The following PKD1L1 variants were observed in gnomAD, a reference collection of about 807,000 sequenced individuals.
The protein encoded by PKD1L1 is polycystin-1-like protein 1.
In PKD1L1, 236 loss-of-function variants were observed where a neutral mutation model predicts 323.4. The observed-to-expected ratio is 0.73, with a 90% CI of 0.66 to 0.81. The LOEUF (loss-of-function observed/expected upper bound fraction) is 0.81. PKD1L1 is among the 40% of genes least tolerant of loss of function. The probability of loss-of-function intolerance (pLI) is 0.00; values close to 1 mark genes in which losing one functional copy is unlikely to be tolerated. For missense variants in PKD1L1, 3,320 were observed against 3,508.0 expected, an observed-to-expected ratio of 0.95 and a Z score of 1.35; for synonymous variants, 1,344 against 1,335.0, an observed-to-expected ratio of 1.01 and a Z score of -0.15.
chr7:47,848,748 T>G (rs1275841849), intron 31 of PKD1L1, among the ~76,000 whole-genome samples: 1 of 152,136 alleles, frequency 6.6e-6, no homozygotes, highest in Non-Finnish European at 1.5e-5. Context: ...AAGGTTGTGG[T>G]GAGCCAAGAT....
At chr7:47,828,759 G>C (rs1219935241) in intron 44 of PKD1L1, among the ~76,000 whole-genome samples, 2 of 152,222 alleles carry the variant, frequency 1.3e-5, no homozygotes, top group Non-Finnish European at 2.9e-5. Context: ...CTCAGACATG[G>C]AGTTTATTAG....
Position 47,774,886 on chromosome 7 carries a change from G to A in PKD1L1, c.*257C>T, listed in dbSNP as rs1786533503. ...AGGGCAACTGGCAAATTAACCATTTGGGAGAAGGCTGGAGTTAGAATCTTG... is the reference window on the plus strand; with the variant it reads ...AGGGCAACTGGCAAATTAACCATTTAGGAGAAGGCTGGAGTTAGAATCTTG... On this transcript the variant is annotated 3_prime_UTR_variant, in exon 57 of 57. Transcript: ENST00000289672. The A allele has an allele frequency of 1.5e-5, 6 of 412,716 alleles. No individual in the cohort carries two copies. Among genetic ancestry groups the A allele is most frequent in the Non-Finnish European group, 1.3e-5 (3 of 230,826 alleles). 25.6% of individuals were successfully genotyped at this position (412,716 alleles called of 1,614,324 possible).
At chr7:47,846,462 G>C (rs937967273) in intron 32 of PKD1L1, among the ~76,000 whole-genome samples, 4 of 152,186 alleles carry the variant, frequency 2.6e-5, no homozygotes, top group South Asian at 2.1e-4. Context: ...GGCAACATGG[G>C]GGCATGGTGA....
At chr7:47,937,259 T>TGGGGGGGGGGGGGGGGGGGGGGGGGG (rs10610147) in intron 3 of PKD1L1, among the ~76,000 whole-genome samples, 1 of 73,088 alleles carries the variant, frequency 1.4e-5, no homozygotes, top group Non-Finnish European at 2.6e-5. Flanking sequence ...GGGGTGGGGG[T>TGGGGGGGGGGGGGGGGGGGGGGGGGG]GGGGGGGGGG....
chr7:47,879,405 A>C (rs556360045), intron 21 of PKD1L1, among the ~76,000 whole-genome samples: 1 of 152,152 alleles, frequency 6.6e-6, no homozygotes, highest in East Asian at 1.9e-4. Context: ...AGGCAGGTGG[A>C]TCGCTCACTT....
At chr7:47,805,329 A>G (rs984897694) in intron 52 of PKD1L1, among the ~76,000 whole-genome samples, 6 of 152,240 alleles carry the variant, frequency 3.9e-5, no homozygotes, top group Non-Finnish European at 8.8e-5. Flanking sequence ...CCATCATTAG[A>G]AAGTCATTTG....
rs935805942 is a variant in PKD1L1 at position 47,929,336 on chromosome 7, A to G, written c.928T>C (p.Phe310Leu). The G allele has an allele frequency of 6.2e-7, 1 of 1,614,148 alleles. No individual in the cohort carries two copies. Among genetic ancestry groups the G allele is most frequent in the African/African-American group, 1.3e-5 (1 of 75,040 alleles). ...TCTCCAGAAGCCATATGAACACGGA[A>G]TCCCAGATTTGGAGGTGCCCGAGCT... ...VEARAPPNLGFRVHMASGEAL... is the reference protein window; with the variant it reads ...VEARAPPNLGLRVHMASGEAL... The change falls in exon 7 of 57, where the codon TTC becomes CTC. Residue 310 changes from phenylalanine (F) to leucine (L), a missense_variant. Transcript: ENST00000289672.
intron 46 of PKD1L1, among the ~76,000 whole-genome samples, chr7:47,818,819 TA>T (rs1198834942): frequency 6.6e-6 from 1 of 152,212 alleles, no homozygotes; most frequent in Non-Finnish European, 1.5e-5. Flanking sequence ...TTTGTTTTAT[TA>T]TTTTTTTTTG....
At chr7:47,790,264 C>T (rs757065872) in intron 56 of PKD1L1, among the ~76,000 whole-genome samples, 1 of 151,842 alleles carries the variant, frequency 6.6e-6, no homozygotes, top group African/African-American at 2.4e-5. Context: ...CTATCATTTG[C>T]CCAATTTTCA....
chr7:47,912,440 T>G (rs1787340436), intron 8 of PKD1L1, among the ~76,000 whole-genome samples: 1 of 152,070 alleles, frequency 6.6e-6, no homozygotes, highest in Non-Finnish European at 1.5e-5. Flanking sequence ...ATTGAAAAGG[T>G]ACACCATGTG....
chr7:47,949,501 G>T (rs1193654667), upstream of PKD1L1, among the ~76,000 whole-genome samples: 3 of 151,858 alleles, frequency 2.0e-5, no homozygotes, highest in Non-Finnish European at 1.5e-5. Flanking sequence ...CTGTCTTACG[G>T]CAGAACCTAG....
rs537550788 is a variant in PKD1L1, at chr7:47,919,004, G to A, written c.1061-3405C>T. On this transcript the variant is annotated intron_variant, in intron 7 of 56. Coordinates refer to ENST00000289672, the MANE Select transcript of PKD1L1 (RefSeq NM_138295.5). ...CCAAACACAAATGCAGCAGAAGAAA[G>A]GAAATAACCAAGATCAGAGCAGAAC... Among the ~76,000 whole-genome samples, 4 of 151,470 alleles carry A rather than the reference G, an allele frequency of 2.6e-5. No homozygotes were observed. The East Asian group carries it at 7.7e-4, about 29-fold the overall frequency.
rs757907384 is a variant in PKD1L1 at position 47,846,964 on chromosome 7, G to A, written c.5068C>T (p.Arg1690Ter). Residue 1690 changes from arginine (R) to a stop codon, truncating the protein, a stop_gained, in exon 32 of 57, where the codon CGA becomes TGA. Transcript: ENST00000289672. LOFTEE classifies it high-confidence loss of function. ...TCTCTCTTGTCCCAAAACAGGCATC[G>A]GATCCACTGGAAATGTACTGTATAG... ...VNYTVHFQWI[R>*]CLFWDKREWK... is the part of the protein sequence containing the mutation. 2.5e-6 allele frequency: 4 copies of A among 1,613,798 alleles called. No individual in the cohort carries two copies. Among genetic ancestry groups the A allele is most frequent in the African/African-American group, 1.3e-5 (1 of 74,900 alleles).
intron 28 of PKD1L1, among the ~76,000 whole-genome samples, chr7:47,857,071 C>T (rs554679336): frequency 1.3e-5 from 2 of 152,214 alleles, no homozygotes; most frequent in African/African-American, 4.8e-5. Context: ...CACTGTGGTC[C>T]CCTGTTCCTC....
chr7:47,876,961 G>C (rs1786418318), intron 22 of PKD1L1, among the ~76,000 whole-genome samples: 1 of 152,186 alleles, frequency 6.6e-6, no homozygotes, highest in South Asian at 2.1e-4. Flanking sequence ...TGTATTTTTA[G>C]TAGAGATGGG....
Position 47,858,688 on chromosome 7 carries a change from G to T in PKD1L1, c.4347C>A (p.Ile1449=), listed in dbSNP as rs1195555788. Residue 1449 remains isoleucine (I), a synonymous_variant, in exon 27 of 57, where the codon ATC becomes ATA. Coordinates refer to ENST00000289672, the MANE Select transcript of PKD1L1 (RefSeq NM_138295.5). ...VYRHEEGITV[I]SDLLLGCLSL... is the part of the protein sequence containing the mutation. ...TGTGACTTACCAACAATAAATCTGAGATGACTGTAATTCCTTCTTCATGTC... is the reference window on the plus strand; with the variant it reads ...TGTGACTTACCAACAATAAATCTGATATGACTGTAATTCCTTCTTCATGTC... 6.2e-7 allele frequency: 1 copy of T among 1,612,408 alleles called. No homozygotes were observed. The highest frequency in any genetic ancestry group is 8.5e-7 in the Non-Finnish European group (1 of 1,178,570).
chr7:47,808,937 T>C (rs555454097), intron 51 of PKD1L1, among the ~76,000 whole-genome samples: 2 of 152,252 alleles, frequency 1.3e-5, no homozygotes, highest in Non-Finnish European at 2.9e-5. Context: ...CTTTCTTCAG[T>C]AATAAATTAA....
At chr7:47,897,227 C>CA (rs1311731080) in intron 14 of PKD1L1, among the ~76,000 whole-genome samples, 1 of 152,226 alleles carries the variant, frequency 6.6e-6, no homozygotes, top group Non-Finnish European at 1.5e-5. Flanking sequence ...GCAAGCCACA[C>CA]AAGGCACCAG....
At position 47,929,536 on chromosome 7, in the gene PKD1L1, A is replaced by G. The variant is rs751204462; in HGVS notation, c.738-10T>C. On this transcript the variant is annotated splice_polypyrimidine_tract_variant and intron_variant, in intron 6 of 56. Coordinates refer to ENST00000289672, the MANE Select transcript of PKD1L1 (RefSeq NM_138295.5). ...CGGAAGGCCGTGGGAGCTGTGGGAGAGAGGGAGAGGCTTCAGATTTCATGA... is the reference window on the plus strand; with the variant it reads ...CGGAAGGCCGTGGGAGCTGTGGGAGGGAGGGAGAGGCTTCAGATTTCATGA... 1.8e-5 allele frequency: 29 copies of G among 1,603,636 alleles called. No homozygotes were observed. Among genetic ancestry groups the G allele is most frequent in the Non-Finnish European group, 2.4e-5 (28 of 1,173,410 alleles).
Sources: gnomAD v4.1 joint callset for allele counts (sites outside exome capture counted in the v4.1 genomes callset) on GRCh38, gnomAD v4.1.1 for gene constraint, MANE v1.5 for transcripts, NCBI Gene and HGNC (gene_info 2026-07-23, HGNC 2026-07-21) for gene names.